Variants in NLGN2 observed in about 807,000 individuals in gnomAD.
NLGN2 encodes neuroligin 2.
A neutral mutation model predicts 48.6 loss-of-function variants in NLGN2; 11 were observed. The observed-to-expected ratio is 0.23, with a 90% CI of 0.14 to 0.37. NLGN2 has a LOEUF of 0.37. NLGN2 is among the 10% of genes least tolerant of loss of function. The pLI is 1.00. For synonymous variants in NLGN2, 548 were observed against 550.0 expected, an observed-to-expected ratio of 1.00 and a Z score of 0.05; for missense variants, 801 against 1,225.2, an observed-to-expected ratio of 0.65 and a Z score of 5.17.
chr17:7,411,460 G>A lies in NLGN2; in HGVS notation c.458-697G>A, dbSNP rs375439245. On this transcript the variant is annotated intron_variant, in intron 1 of 6. Transcript: ENST00000302926. This position sits in a 1 kb window ranked among gnomAD's most constrained non-coding sequence, Gnocchi z 4.5. The stretch of plus-strand genomic sequence containing the variant: ...GCCAGGCCTGTGAGTGTGGATAGAC[G>A]AGAAGTGCTGGTGGTGAGGCTGGGT... 6.6e-6 allele frequency among the ~76,000 whole-genome samples: 1 copy of A among 152,188 alleles called. No homozygotes were observed. The highest frequency in any genetic ancestry group is 1.5e-5 in the Non-Finnish European group (1 of 68,022).
At position 7,417,784 on chromosome 17, in the gene NLGN2, C is replaced by A; in HGVS notation, c.2493C>A (p.Ser831=). The A allele has an allele frequency of 7.2e-7, 1 of 1,394,766 alleles. No individual in the cohort carries two copies. Among genetic ancestry groups the A allele is most frequent in the Non-Finnish European group, 9.3e-7 (1 of 1,079,578 alleles). The allele number at this position is 1,394,766 out of a possible 1,614,324, so 86.4% of individuals were successfully genotyped here. A position where few individuals can be genotyped will look rare whatever the true frequency, so the allele number is the denominator to read the frequency against. Reference sequence around the variant, plus strand: ...ACAACACGCTACCCCACCCCCACTCCACCACTCGGGTATAGGGGGTGGGTG... The same window carrying A: ...ACAACACGCTACCCCACCCCCACTCAACCACTCGGGTATAGGGGGTGGGTG... ...SHNNTLPHPH[S]TTRV The change falls in exon 7 of 7, where the codon TCC becomes TCA. Residue 831 remains serine (S), a synonymous_variant. Transcript: ENST00000302926.
chr17:7,408,179 TCCCTCCCTCTCCCCC>T lies in NLGN2; in HGVS notation c.-74_-60del, dbSNP rs1906723319. 1 of 765,056 alleles carries T rather than the reference TCCCTCCCTCTCCCCC, an allele frequency of 1.3e-6. No homozygotes were observed. The highest frequency in any genetic ancestry group is 4.5e-5 in the Admixed American group (1 of 22,222). The allele number at this position is 765,056 out of a possible 1,614,324, so 47.4% of individuals were successfully genotyped here. ...CCTCCCTCCTGGGGCGAGGGGGGCC[TCCCTCCCTCTCCCCC>T]CCTTCTCTCTCTCTCCGAGGGGGGG... On this transcript the variant is annotated 5_prime_UTR_variant, in exon 1 of 7. Transcript: ENST00000302926. The surrounding 1 kb of genome is among the most constrained non-coding windows in gnomAD (Gnocchi z 7.5).
chr17:7,414,341 C>A lies in NLGN2; in HGVS notation c.509-3C>A. ...GCCCACCTGCCCACCCCTCCCCACA[C>A]AGATATCCGTGACCCTGGGAAGAAG... On this transcript the variant is annotated splice_region_variant and splice_polypyrimidine_tract_variant and intron_variant, in intron 2 of 6. Coordinates refer to ENST00000302926, the MANE Select transcript of NLGN2 (RefSeq NM_020795.4). 1 of 1,415,882 alleles carries A rather than the reference C, an allele frequency of 7.1e-7. No individual in the cohort carries two copies. Among genetic ancestry groups the A allele is most frequent in the Non-Finnish European group, 1.0e-6 (1 of 999,694 alleles). The allele number at this position is 1,415,882 out of a possible 1,614,324, so 87.7% of individuals were successfully genotyped here.
Position 7,417,289 on chromosome 17 carries a change from CG to C in NLGN2, c.2002del (p.Asp668ThrfsTer9). On this transcript the variant is annotated frameshift_variant, in exon 7 of 7. Coordinates refer to ENST00000302926, the MANE Select transcript of NLGN2 (RefSeq NM_020795.4). LOFTEE classifies it low-confidence loss of function (END_TRUNC). ...PGPRAYDRFP[G>X]DSRDYSTELS... ...GCCCAAGGGCCTATGACCGCTTCCC[CG>C]GGGACTCACGGGACTACTCCACGGA... The C allele has an allele frequency of 6.2e-7, 1 of 1,601,824 alleles. No homozygotes were observed. The highest frequency in any genetic ancestry group is 8.5e-7 in the Non-Finnish European group (1 of 1,175,686).
Position 7,408,270 on chromosome 17 carries a change from G to C in NLGN2, c.15G>C (p.Ala5=), listed in dbSNP as rs1474203798. Reference sequence around the variant, plus strand: ...CCCCGATCAGCATGTGGCTCCTGGCGCTGTGTCTGGTGGGGCTGGCGGGGG... The same window carrying C: ...CCCCGATCAGCATGTGGCTCCTGGCCCTGTGTCTGGTGGGGCTGGCGGGGG... MWLL[A]LCLVGLAGAQ... The change falls in exon 1 of 7, where the codon GCG becomes GCC. Residue 5 remains alanine (A), a synonymous_variant. Coordinates refer to ENST00000302926, the MANE Select transcript of NLGN2 (RefSeq NM_020795.4). The surrounding 1 kb of genome is among the most constrained non-coding windows in gnomAD (Gnocchi z 7.5). 3 of 1,321,262 alleles carry C rather than the reference G, an allele frequency of 2.3e-6. No individual in the cohort carries two copies. The highest frequency in any genetic ancestry group is 2.9e-6 in the Non-Finnish European group (3 of 1,042,508). The allele number at this position is 1,321,262 out of a possible 1,614,324, so 81.8% of individuals were successfully genotyped here.
Position 7,408,293 on chromosome 17 carries a change from G to C in NLGN2, c.38G>C (p.Gly13Ala). The C allele has an allele frequency of 7.4e-7, 1 of 1,354,196 alleles. No individual in the cohort carries two copies. Among genetic ancestry groups the C allele is most frequent in the Non-Finnish European group, 9.4e-7 (1 of 1,062,806 alleles). The allele number at this position is 1,354,196 out of a possible 1,614,324, so 83.9% of individuals were successfully genotyped here. Residue 13 changes from glycine to alanine, a missense_variant, in exon 1 of 7, where the codon GGG becomes GCG. By Grantham distance (60) the Gly-to-Ala change is moderately conservative. This residue lies in a region of NLGN2 where 164 missense variants were observed against 186.2 expected (regional missense o/e 0.88). Coordinates refer to ENST00000302926, the MANE Select transcript of NLGN2 (RefSeq NM_020795.4). This position sits in a 1 kb window ranked among gnomAD's most constrained non-coding sequence, Gnocchi z 7.5. ...LLALCLVGLA[G>A]AQRGGGGPGG... ...GCGCTGTGTCTGGTGGGGCTGGCGG[G>C]GGCTCAACGCGGGGGAGGGGGTCCC...
At position 7,414,709 on chromosome 17, in the gene NLGN2, C is replaced by T; in HGVS notation, c.705C>T (p.Leu235=). ...GDQAAKGNYG[L]LDQIQALRWL... is the part of the protein sequence containing the mutation. ...AGGCTGCAAAAGGCAACTATGGGCT[C>T]CTGGACCAGATCCAGGCCCTGCGCT... Residue 235 remains leucine (L), a synonymous_variant, in exon 4 of 7, where the codon CTC becomes CTT. Transcript: ENST00000302926. 6.2e-7 allele frequency: 1 copy of T among 1,614,216 alleles called. No individual in the cohort carries two copies. Among genetic ancestry groups the T allele is most frequent in the Non-Finnish European group, 8.5e-7 (1 of 1,180,042 alleles).
chr17:7,417,355 C>T lies in NLGN2; in HGVS notation c.2064C>T (p.Phe688=). 6.2e-7 allele frequency: 1 copy of T among 1,611,354 alleles called. No individual in the cohort carries two copies. The highest frequency in any genetic ancestry group is 1.1e-5 in the South Asian group (1 of 90,728). ...VTVAVGASLL[F]LNILAFAALY... Reference sequence around the variant, plus strand: ...TGGCCGTGGGTGCCTCCCTCCTCTTCCTCAACATCCTGGCCTTTGCTGCCC... The same window carrying T: ...TGGCCGTGGGTGCCTCCCTCCTCTTTCTCAACATCCTGGCCTTTGCTGCCC... The change falls in exon 7 of 7, where the codon TTC becomes TTT. Residue 688 remains phenylalanine (F), a synonymous_variant. Coordinates refer to ENST00000302926, the MANE Select transcript of NLGN2 (RefSeq NM_020795.4).
intron 6 of NLGN2, 30 bp downstream of exon 6, chr17:7,416,137 G>T: frequency 1.4e-6 from 2 of 1,478,562 alleles, no homozygotes; most frequent in South Asian, 1.1e-5. Flanking sequence ...GGCGGGGCTG[G>T]GCGGGGCCCT....
At position 7,413,326 on chromosome 17, in the gene NLGN2, G is replaced by A. The variant is rs905842512; in HGVS notation, c.509-1018G>A. On this transcript the variant is annotated intron_variant, in intron 2 of 6. Coordinates refer to ENST00000302926, the MANE Select transcript of NLGN2 (RefSeq NM_020795.4). This position sits in a 1 kb window ranked among gnomAD's most constrained non-coding sequence, Gnocchi z 4.9. ...GGATGTTTCTACCAGGATGAGGGAGGTGGGCAGAGATGCTGGGGACCAGCT... is the reference window on the plus strand; with the variant it reads ...GGATGTTTCTACCAGGATGAGGGAGATGGGCAGAGATGCTGGGGACCAGCT... Among the ~76,000 whole-genome samples the A allele has an allele frequency of 3.3e-5, 5 of 152,224 alleles. No individual in the cohort carries two copies. Among genetic ancestry groups the A allele is most frequent in the African/African-American group, 1.2e-4 (5 of 41,450 alleles).
intron 3 of NLGN2, 48 bp downstream of exon 3, chr17:7,414,541 G>T: frequency 6.2e-7 from 1 of 1,611,704 alleles, no homozygotes; most frequent in East Asian, 2.2e-5. Context: ...CTGGGAGGTG[G>T]GCCTGGTGGG....
Position 7,416,113 on chromosome 17 carries a change from G to T in NLGN2, c.1634+6G>T, listed in dbSNP as rs761120909. Reference sequence around the variant, plus strand: ...ACCAACTTCGCCAAGACTGGGTGAGGGCCAGAGGGGCTGGGCGGGGCTGGG... The same window carrying T: ...ACCAACTTCGCCAAGACTGGGTGAGTGCCAGAGGGGCTGGGCGGGGCTGGG... On this transcript the variant is annotated splice_donor_region_variant and intron_variant, in intron 6 of 6. Coordinates refer to ENST00000302926, the MANE Select transcript of NLGN2 (RefSeq NM_020795.4). The T allele has an allele frequency of 1.3e-6, 2 of 1,596,632 alleles. No homozygotes were observed. Among genetic ancestry groups the T allele is most frequent in the South Asian group, 2.2e-5 (2 of 90,718 alleles).
At chr17:7,414,573 A>C (rs751453075) in intron 3 of NLGN2, 80 bp downstream of exon 3, 33 of 1,611,046 alleles carry the variant, frequency 2.0e-5, no homozygotes, top group Non-Finnish European at 2.8e-5. Context: ...CACATCCAGC[A>C]GAATGGCTTC....
upstream of NLGN2, among the ~76,000 whole-genome samples, chr17:7,406,691 C>T (rs1483958788): frequency 6.6e-6 from 1 of 151,564 alleles, no homozygotes; most frequent in South Asian, 2.1e-4. Context: ...GGTGTCTGCC[C>T]CTCCGGTCTG....
chr17:7,408,279 G>A lies in NLGN2; in HGVS notation c.24G>A (p.Leu8=). The stretch of plus-strand genomic sequence containing the variant: ...GCATGTGGCTCCTGGCGCTGTGTCT[G>A]GTGGGGCTGGCGGGGGCTCAACGCG... MWLLALC[L]VGLAGAQRGG... is the part of the protein sequence containing the mutation. Residue 8 remains leucine (L), a synonymous_variant, in exon 1 of 7, where the codon CTG becomes CTA. Coordinates refer to ENST00000302926, the MANE Select transcript of NLGN2 (RefSeq NM_020795.4). This position sits in a 1 kb window ranked among gnomAD's most constrained non-coding sequence, Gnocchi z 7.5. 1 of 1,340,894 alleles carries A rather than the reference G, an allele frequency of 7.5e-7. No individual in the cohort carries two copies. Among genetic ancestry groups the A allele is most frequent in the Non-Finnish European group, 9.5e-7 (1 of 1,055,266 alleles). The allele number at this position is 1,340,894 out of a possible 1,614,324, so 83.1% of individuals were successfully genotyped here.
chr17:7,411,155 G>A lies in NLGN2; in HGVS notation c.458-1002G>A, dbSNP rs1439613855. Among the ~76,000 whole-genome samples the A allele has an allele frequency of 6.6e-6, 1 of 152,242 alleles. No individual in the cohort carries two copies. The highest frequency in any genetic ancestry group is 1.5e-5 in the Non-Finnish European group (1 of 68,046). Reference sequence around the variant, plus strand: ...GTGCTCCCGGTACCTGCTGGCACCTGTGTGCCAGGCTGGCTCAGGGCACTG... The same window carrying A: ...GTGCTCCCGGTACCTGCTGGCACCTATGTGCCAGGCTGGCTCAGGGCACTG... On this transcript the variant is annotated intron_variant, in intron 1 of 6. Transcript: ENST00000302926. This position sits in a 1 kb window ranked among gnomAD's most constrained non-coding sequence, Gnocchi z 4.5.
Position 7,418,049 on chromosome 17 carries a change from C to T in NLGN2, c.*250C>T, listed in dbSNP as rs754094655. The stretch of plus-strand genomic sequence containing the variant: ...TCCCCCCCATTGGGACACCAGTCTT[C>T]GGTGTGTGGAATGTGGTATTTTCCC... On this transcript the variant is annotated 3_prime_UTR_variant, in exon 7 of 7. Transcript: ENST00000302926. 1.2e-5 allele frequency: 4 copies of T among 321,148 alleles called. No homozygotes were observed. The highest frequency in any genetic ancestry group is 2.1e-5 in the African/African-American group (1 of 46,944). 19.9% of individuals were successfully genotyped at this position (321,148 alleles called of 1,614,324 possible). A position where few individuals can be genotyped will look rare whatever the true frequency, so the allele number is the denominator to read the frequency against.
intron 3 of NLGN2, 50 bp from the exon 4 acceptor site, chr17:7,414,613 G>A (rs12952579): frequency 0.035 from 56,444 of 1,612,144 alleles, 1,247 homozygotes; most frequent in Admixed American, 0.055. Context: ...CAGAAAGGGG[G>A]CAGGGGCGCT....
Position 7,417,880 on chromosome 17 carries a change from C to A in NLGN2, c.*81C>A. 7.5e-7 allele frequency: 1 copy of A among 1,326,102 alleles called. No individual in the cohort carries two copies. Among genetic ancestry groups the A allele is most frequent in the Non-Finnish European group, 9.6e-7 (1 of 1,039,646 alleles). The allele number at this position is 1,326,102 out of a possible 1,614,324, so 82.1% of individuals were successfully genotyped here. ...GCAGGGAGGAGGACTTGGCAACTGG[C>A]TTTTCTCCTGTGGAGTCGTCACACG... On this transcript the variant is annotated 3_prime_UTR_variant, in exon 7 of 7. Coordinates refer to ENST00000302926, the MANE Select transcript of NLGN2 (RefSeq NM_020795.4).
Sources: allele counts gnomAD v4.1 joint callset (sites outside exome capture counted in the v4.1 genomes callset), GRCh38; gene constraint gnomAD v4.1.1; regional missense constraint gnomAD v4.1.1; non-coding constraint Gnocchi (gnomAD v3.1); transcripts MANE v1.5; gene names NCBI Gene and HGNC (gene_info 2026-07-23, HGNC 2026-07-21).